Variants in HEATR4 observed in about 807,000 individuals in gnomAD.
HEATR4 encodes the protein HEAT repeat containing 4.
HEATR4 carries 95 observed loss-of-function variants against 108.8 expected under a neutral mutation model. That is an observed-to-expected ratio of 0.87 (90% CI 0.74 to 1.04). The LOEUF (loss-of-function observed/expected upper bound fraction) is 1.04. Among genes scored for constraint, HEATR4 ranks in the 50% least tolerant of loss-of-function variants. HEATR4 has a pLI of 0.00. For missense variants in HEATR4, 1,152 were observed against 1,253.8 expected (o/e 0.92, Z 1.23); for synonymous variants, 443 against 459.4 (o/e 0.96, Z 0.46).
rs1158469841 is a variant in HEATR4, at chr14:73,537,454, C to T, written c.-151-7210G>A. 2 of 1,232,198 alleles carry T rather than the reference C, an allele frequency of 1.6e-6. 1 individual carries two copies. The highest frequency in any genetic ancestry group is 1.7e-4 in the East Asian group (2 of 12,070). 76.3% of individuals were successfully genotyped at this position (1,232,198 alleles called of 1,614,324 possible). On this transcript the variant is annotated intron_variant, in intron 1 of 17. Transcript: ENST00000553558. ...CGACGCTGATCCTGGAGCCCGCGGGCCGCTGCTGCTGGGACGAACCGGTGC... is the reference window on the plus strand; with the variant it reads ...CGACGCTGATCCTGGAGCCCGCGGGTCGCTGCTGCTGGGACGAACCGGTGC...
chr14:73,481,612 C>G (rs922803365), intron 17 of HEATR4, among the ~76,000 whole-genome samples: 1 of 151,580 alleles, frequency 6.6e-6, no homozygotes. Context: ...GAGGCCGACG[C>G]GGGCGGATCA....
In HEATR4 at chr14:73,549,272, C is replaced by CTG. The variant is rs1246976246; in HGVS notation, c.-152+9477_-152+9478dup. Among the ~76,000 whole-genome samples, 2 of 112,446 alleles carry CTG rather than the reference C, an allele frequency of 1.8e-5. 1 individual carries two copies. Among genetic ancestry groups the CTG allele is most frequent in the African/African-American group, 5.8e-5 (2 of 34,756 alleles). The allele number at this position is 112,446 out of a possible 152,430, so 73.8% of individuals were successfully genotyped here. A position where few individuals can be genotyped will look rare whatever the true frequency, so the allele number is the denominator to read the frequency against. On this transcript the variant is annotated intron_variant, in intron 1 of 17. Coordinates refer to ENST00000553558, the MANE Select transcript of HEATR4 (RefSeq NM_001220484.1). ...AATGCCTCGTGATGTGTGTGTGTGT[C>CTG]TGTGTGTGTGTGTATCTCAGGGGCG... is the stretch of plus-strand genomic sequence containing the variant.
chr14:73,609,642 T>A, the HEATR4 span, among the ~76,000 whole-genome samples: 3 of 152,106 alleles, frequency 2.0e-5, no homozygotes, highest in African/African-American at 7.2e-5. Flanking sequence ...TTATTTATTT[T>A]ATTTTATTTT....
rs750197732 is a variant in HEATR4 at position 73,514,175 on chromosome 14, T to C, written c.1270A>G (p.Met424Val). ...WTALPTPAKDMLLQVGEKDVP... is the reference protein window; with the variant it reads ...WTALPTPAKDVLLQVGEKDVP... ...TCCTTCTCACCCACCTGCAGCAGCATATCCTTGGCGGGGGTGGGCAAAGCA... is the reference window on the plus strand; with the variant it reads ...TCCTTCTCACCCACCTGCAGCAGCACATCCTTGGCGGGGGTGGGCAAAGCA... The change falls in exon 6 of 18, where the codon ATG becomes GTG. Residue 424 changes from methionine to valine, a missense_variant. Coordinates refer to ENST00000553558, the MANE Select transcript of HEATR4 (RefSeq NM_001220484.1). 6.2e-7 allele frequency: 1 copy of C among 1,614,216 alleles called. No homozygotes were observed. The highest frequency in any genetic ancestry group is 1.1e-5 in the South Asian group (1 of 91,090).
chr14:73,547,982 A>G lies in HEATR4; in HGVS notation c.-152+10769T>C, dbSNP rs1292278370. ...ACAGGCTCTGGCCAGGCTGGAGTGCAGTGGTGCCATCATAGCTCATTGTAG... is the reference window on the plus strand; with the variant it reads ...ACAGGCTCTGGCCAGGCTGGAGTGCGGTGGTGCCATCATAGCTCATTGTAG... On this transcript the variant is annotated intron_variant, in intron 1 of 17. Transcript: ENST00000553558. 2.2e-4 allele frequency among the ~76,000 whole-genome samples: 25 copies of G among 114,906 alleles called. 6 individuals are homozygous for G. Among genetic ancestry groups the G allele is most frequent in the African/African-American group, 6.5e-4 (23 of 35,390 alleles). 75.4% of individuals were successfully genotyped at this position (114,906 alleles called of 152,430 possible).
the HEATR4 span, among the ~76,000 whole-genome samples, chr14:73,566,165 A>C: frequency 6.6e-6 from 1 of 152,104 alleles, no homozygotes; most frequent in Admixed American, 6.6e-5. Context: ...GTGTGTTTAC[A>C]AACCTTGAGC....
the HEATR4 span, among the ~76,000 whole-genome samples, chr14:73,597,882 G>A: frequency 2.0e-5 from 3 of 151,268 alleles, no homozygotes; most frequent in Admixed American, 6.6e-5. Flanking sequence ...ATTAGCCACC[G>A]CGCCTGGCCT....
chr14:73,589,646 T>C, the HEATR4 span, among the ~76,000 whole-genome samples: 1 of 152,200 alleles, frequency 6.6e-6, no homozygotes, highest in Admixed American at 6.5e-5. Context: ...AAAAGCTTTT[T>C]TTAAGTAAAC....
intron 11 of HEATR4, among the ~76,000 whole-genome samples, chr14:73,502,096 G>T (rs1300337114): frequency 7.2e-6 from 1 of 139,666 alleles, no homozygotes. Context: ...GTCTTGCTAT[G>T]TTGCCCAGGC....
At chr14:73,570,502 G>A in the HEATR4 span, among the ~76,000 whole-genome samples, 1 of 152,020 alleles carries the variant, frequency 6.6e-6, no homozygotes, top group Non-Finnish European at 1.5e-5. Flanking sequence ...CCGGGAGGCA[G>A]AGTTTGTAGT....
chr14:73,585,881 C>T, the HEATR4 span, among the ~76,000 whole-genome samples: 1 of 137,916 alleles, frequency 7.3e-6, no homozygotes, highest in African/African-American at 2.8e-5. Context: ...AGTGCAGCAG[C>T]GCAATCTCGG....
At chr14:73,487,662 GA>G (rs1885503743) in intron 17 of HEATR4, among the ~76,000 whole-genome samples, 1 of 152,146 alleles carries the variant, frequency 6.6e-6, no homozygotes, top group African/African-American at 2.4e-5. Context: ...AGACGGGATA[GA>G]AAAAGGCATA....
chr14:73,573,409 T>C, the HEATR4 span: 31 of 1,613,766 alleles, frequency 1.9e-5, no homozygotes, highest in Non-Finnish European at 2.6e-5. Context: ...TTTCCTGGGA[T>C]TGTGGACATG....
chr14:73,492,688 G>A lies in HEATR4; in HGVS notation c.2844+378C>T. ...ATATGCTTCAGGATGGGATAGCTCG[G>A]CTGGTGGGTGAGGGGGGCCATTTGT... On this transcript the variant is annotated intron_variant, in intron 17 of 17. Coordinates refer to ENST00000553558, the MANE Select transcript of HEATR4 (RefSeq NM_001220484.1). This position sits in a 1 kb window ranked among gnomAD's most constrained non-coding sequence, Gnocchi z 4.9. 1 of 1,613,996 alleles carries A rather than the reference G, an allele frequency of 6.2e-7. No homozygotes were observed.
At chr14:73,619,158 G>A in the HEATR4 span, 1 of 1,481,518 alleles carries the variant, frequency 6.7e-7, no homozygotes, top group Non-Finnish European at 9.0e-7. Flanking sequence ...AAAGCTACTT[G>A]GAGAATGTAA....
At chr14:73,598,128 C>T in the HEATR4 span, among the ~76,000 whole-genome samples, 5 of 144,790 alleles carry the variant, frequency 3.5e-5, no homozygotes, top group Admixed American at 2.2e-4. Context: ...AATCCCAGCA[C>T]TTTGGGAGGC....
chr14:73,617,203 G>A, the HEATR4 span: 30 of 1,614,160 alleles, frequency 1.9e-5, no homozygotes, highest in East Asian at 2.2e-5. Context: ...GTGCGTTCTG[G>A]TGATCACCTG....
At chr14:73,624,601 T>C in the HEATR4 span, among the ~76,000 whole-genome samples, 1 of 151,836 alleles carries the variant, frequency 6.6e-6, no homozygotes, top group Non-Finnish European at 1.5e-5. Context: ...GAAAGACTGC[T>C]CCCCTCTACC....
rs1201242911 is a variant in HEATR4, at chr14:73,498,921, C to G, written c.2356+150G>C. The stretch of plus-strand genomic sequence containing the variant: ...TTCACTAAAAATTGAAGAAAATTAT[C>G]TTTCTCTTTTCAGACAAGGAACTTC... On this transcript the variant is annotated intron_variant, in intron 13 of 17. Transcript: ENST00000553558. 3 of 708,538 alleles carry G rather than the reference C, an allele frequency of 4.2e-6. No individual in the cohort carries two copies. In the African/African-American group the frequency reaches 5.3e-5, roughly 13 times the overall value. 43.9% of individuals were successfully genotyped at this position (708,538 alleles called of 1,614,324 possible). A position where few individuals can be genotyped will look rare whatever the true frequency, so the allele number is the denominator to read the frequency against.
Sources: allele counts gnomAD v4.1 joint callset (sites outside exome capture counted in the v4.1 genomes callset), GRCh38; gene constraint gnomAD v4.1.1; non-coding constraint Gnocchi (gnomAD v3.1); transcripts MANE v1.5; gene names NCBI Gene and HGNC (gene_info 2026-07-23, HGNC 2026-07-21).